MTRFR: variants seen among roughly 807,000 people sequenced by gnomAD.
The protein encoded by MTRFR is mitochondrial translation release factor in rescue, also known as probable peptide chain release factor C12orf65, mitochondrial.
Under a neutral mutation model 11.9 loss-of-function variants are expected in MTRFR, and 10 were observed. The ratio of observed to expected loss-of-function variants is 0.84; its 90% CI spans 0.52 to 1.42. The LOEUF is 1.42. Among genes scored for constraint, MTRFR ranks in the 40% most tolerant of loss-of-function variants. The pLI is 0.00. For missense variants in MTRFR, 196 were observed against 197.9 expected, an observed-to-expected ratio of 0.99 and a Z score of 0.06; for synonymous variants, 77 against 79.1, an observed-to-expected ratio of 0.97 and a Z score of 0.14.
intron 1 of MTRFR, among the ~76,000 whole-genome samples, chr12:123,241,584 C>A (rs2047937856): frequency 6.6e-6 from 1 of 152,180 alleles, no homozygotes; most frequent in Non-Finnish European, 1.5e-5. Flanking sequence ...AGGTGATCCA[C>A]CTACTTCAGC....
intron 2 of MTRFR, 198 bp downstream of exon 2, chr12:123,254,154 C>G (rs61953389): frequency 6.5e-6 from 4 of 615,584 alleles, no homozygotes; most frequent in Admixed American, 3.0e-5. Context: ...GCAGAACCTC[C>G]TACAACAGCC....
rs751754223 is a variant in MTRFR at position 123,236,320 on chromosome 12, G to T, written c.-29+2789G>T. On this transcript the variant is annotated intron_variant, in intron 1 of 2. Coordinates refer to ENST00000253233, the MANE Select transcript of MTRFR (RefSeq NM_152269.5). ...ATTTGAAAGTGCTTTGCAGCTGCACGTGGTGGCTCACGCCTGTAATCCCAT... is the reference window on the plus strand; with the variant it reads ...ATTTGAAAGTGCTTTGCAGCTGCACTTGGTGGCTCACGCCTGTAATCCCAT... Among the ~76,000 whole-genome samples the T allele has an allele frequency of 2.4e-4, 37 of 152,134 alleles. 1 individual carries two copies. Among genetic ancestry groups the T allele is most frequent in the Non-Finnish European group, 2.8e-4 (19 of 68,016 alleles).
intron 1 of MTRFR, among the ~76,000 whole-genome samples, chr12:123,241,130 T>C (rs1220569893): frequency 2.0e-4 from 31 of 151,512 alleles, no homozygotes; most frequent in Non-Finnish European, 3.5e-4. Flanking sequence ...TCTAGGCTTT[T>C]ATTTGGGGTT....
rs1268735129 is a variant in MTRFR, at chr12:123,256,644, C to A, written c.283-169C>A. Among the ~76,000 whole-genome samples, 3 of 152,054 alleles carry A rather than the reference C, an allele frequency of 2.0e-5. No individual in the cohort carries two copies. The East Asian group carries it at 5.8e-4, about 29-fold the overall frequency. ...CCAGGAGGCGGAGGTTGCAGTGAGC[C>A]AAGATCACACCATTGCACTCTAGCC... On this transcript the variant is annotated intron_variant, in intron 2 of 2. Coordinates refer to ENST00000253233, the MANE Select transcript of MTRFR (RefSeq NM_152269.5).
At chr12:123,245,625 T>A (rs2048028352) in intron 1 of MTRFR, among the ~76,000 whole-genome samples, 1 of 152,228 alleles carries the variant, frequency 6.6e-6, no homozygotes, top group Admixed American at 6.5e-5. Context: ...TCCTAAGTTT[T>A]GTTTTTGTTT....
intron 1 of MTRFR, among the ~76,000 whole-genome samples, chr12:123,239,684 G>C (rs2047900989): frequency 6.6e-6 from 1 of 152,162 alleles, no homozygotes; most frequent in African/African-American, 2.4e-5. Context: ...TTACAGGCGT[G>C]AGCTACCGCG....
intron 1 of MTRFR, among the ~76,000 whole-genome samples, chr12:123,239,862 T>C (rs891060116): frequency 6.6e-6 from 1 of 152,166 alleles, no homozygotes; most frequent in African/African-American, 2.4e-5. Flanking sequence ...TTAATTCTTT[T>C]CTTGGGACGA....
chr12:123,246,583 A>G (rs2048043691), intron 1 of MTRFR, among the ~76,000 whole-genome samples: 1 of 151,662 alleles, frequency 6.6e-6, no homozygotes, highest in African/African-American at 2.4e-5. Context: ...TCTCCCAAGT[A>G]GCTGGGATTA....
chr12:123,253,379 A>T, intron 1 of MTRFR: 1 of 384,744 alleles, frequency 2.6e-6, no homozygotes, highest in Non-Finnish European at 5.0e-6. Flanking sequence ...AGAAAACAGC[A>T]CCCCCGGGTG....
intron 1 of MTRFR, chr12:123,248,982 G>C (rs182530520): frequency 6.6e-6 from 1 of 151,026 alleles, no homozygotes; most frequent in Non-Finnish European, 1.5e-5. Flanking sequence ...AGCACTGATT[G>C]ATGTGTTTAC....
intron 2 of MTRFR, chr12:123,254,575 T>C (rs1165757716): frequency 3.3e-5 from 5 of 153,478 alleles, no homozygotes; most frequent in Non-Finnish European, 7.2e-5. Context: ...AGGCCAGGCA[T>C]TTTCCAACCT....
At chr12:123,237,170 A>G (rs964690100) in intron 1 of MTRFR, among the ~76,000 whole-genome samples, 10 of 151,922 alleles carry the variant, frequency 6.6e-5, no homozygotes, top group Non-Finnish European at 1.3e-4. Flanking sequence ...AAAAAAAATA[A>G]ACGGGGCCAG....
At chr12:123,241,147 T>TTG (rs1555235904) in intron 1 of MTRFR, among the ~76,000 whole-genome samples, 5,984 of 150,000 alleles carry the variant, frequency 0.04, 173 homozygotes, top group South Asian at 0.099. Flanking sequence ...GGTTGTTTTT[T>TTG]TTTTGTTTTT....
Position 123,257,203 on chromosome 12 carries a change from T to C in MTRFR, c.*172T>C. On this transcript the variant is annotated 3_prime_UTR_variant, in exon 3 of 3. Transcript: ENST00000253233. The stretch of plus-strand genomic sequence containing the variant: ...CACTAAACTGTAGTGAACAGAGACA[T>C]GCACGATTCAAGAATAAAACTCGGC... 1 of 645,108 alleles carries C rather than the reference T, an allele frequency of 1.6e-6. No individual in the cohort carries two copies. Among genetic ancestry groups the C allele is most frequent in the South Asian group, 1.9e-5 (1 of 53,374 alleles). 40.0% of individuals were successfully genotyped at this position (645,108 alleles called of 1,614,324 possible). A position where few individuals can be genotyped will look rare whatever the true frequency, so the allele number is the denominator to read the frequency against.
chr12:123,244,052 G>A (rs1219088521), intron 1 of MTRFR: 1 of 147,942 alleles, frequency 6.8e-6, no homozygotes, highest in Non-Finnish European at 1.5e-5. Flanking sequence ...ACCTAGATCA[G>A]ACACCAGTTG....
At chr12:123,235,739 C>T (rs1181110371) in intron 1 of MTRFR, among the ~76,000 whole-genome samples, 1 of 151,942 alleles carries the variant, frequency 6.6e-6, no homozygotes, top group African/African-American at 2.4e-5. Flanking sequence ...CTCTTTCCCC[C>T]TTCTCTACTG....
In MTRFR at chr12:123,237,188, G is replaced by C. The variant is rs955759852; in HGVS notation, c.-29+3657G>C. Reference sequence around the variant, plus strand: ...AAAAATAAACGGGGCCAGGCACTGTGGCTCACGCCTGTAATCCCAGGACTA... The same window carrying C: ...AAAAATAAACGGGGCCAGGCACTGTCGCTCACGCCTGTAATCCCAGGACTA... On this transcript the variant is annotated intron_variant, in intron 1 of 2. Coordinates refer to ENST00000253233, the MANE Select transcript of MTRFR (RefSeq NM_152269.5). Among the ~76,000 whole-genome samples the C allele has an allele frequency of 2.6e-5, 4 of 152,176 alleles. No homozygotes were observed. The East Asian group carries it at 7.7e-4, about 29-fold the overall frequency.
At chr12:123,254,541 G>A (rs184781816) in intron 2 of MTRFR, 1,844 of 150,398 alleles carry the variant, frequency 0.012, 15 homozygotes, top group Non-Finnish European at 0.02. Context: ...AGAGGACTGA[G>A]GGCGAGATCA....
chr12:123,243,235 A>T (rs1440410227), intron 1 of MTRFR, among the ~76,000 whole-genome samples: 2 of 147,930 alleles, frequency 1.4e-5, no homozygotes, highest in African/African-American at 2.5e-5. Context: ...TTTTAAAACA[A>T]TTTTTTTTTT....
Sources: allele counts gnomAD v4.1 joint callset (sites outside exome capture counted in the v4.1 genomes callset), GRCh38; gene constraint gnomAD v4.1.1; transcripts MANE v1.5; gene names NCBI Gene and HGNC (gene_info 2026-07-23, HGNC 2026-07-21).